BAZ2B: variants seen among roughly 807,000 people sequenced by gnomAD.
BAZ2B encodes bromodomain adjacent to zinc finger domain 2B.
In BAZ2B, 91 loss-of-function variants were observed where a neutral mutation model predicts 246.0. The observed-to-expected ratio is 0.37, with a 90% CI of 0.31 to 0.44. The LOEUF is 0.44. BAZ2B is among the 20% of genes least tolerant of loss of function. The pLI is 1.00. For missense variants in BAZ2B, 2,332 were observed against 2,533.7 expected (o/e 0.92, Z 1.71); for synonymous variants, 855 against 860.0 (o/e 0.99, Z 0.10).
intron 1 of BAZ2B, among the ~76,000 whole-genome samples, chr2:159,594,878 C>T (rs1157413076): frequency 6.6e-6 from 1 of 152,154 alleles, no homozygotes; most frequent in Non-Finnish European, 1.5e-5. Flanking sequence ...AGCTGTTTGC[C>T]TGCCTTAGCC....
intron 6 of BAZ2B, among the ~76,000 whole-genome samples, chr2:159,442,495 A>AT (rs2073598273): frequency 6.6e-6 from 1 of 152,136 alleles, no homozygotes; most frequent in Admixed American, 6.6e-5. Flanking sequence ...CTTCCCCCTC[A>AT]TTTTTTTATT....
At chr2:159,480,506 T>C (rs1260483449) in intron 2 of BAZ2B, among the ~76,000 whole-genome samples, 3 of 152,132 alleles carry the variant, frequency 2.0e-5, no homozygotes, top group African/African-American at 4.8e-5. Flanking sequence ...TACTGCTTAA[T>C]GGATATTACT....
At chr2:159,339,245 A>G (rs1303960268) in intron 31 of BAZ2B, among the ~76,000 whole-genome samples, 6 of 152,128 alleles carry the variant, frequency 3.9e-5, no homozygotes, top group Non-Finnish European at 5.9e-5. Flanking sequence ...GAAAACCCAA[A>G]ATAAATATAC....
the BAZ2B span, among the ~76,000 whole-genome samples, chr2:159,638,741 T>C: frequency 1.8e-4 from 27 of 151,882 alleles, no homozygotes; most frequent in African/African-American, 6.3e-4. Context: ...CAATGAGGCA[T>C]GCCTACAAGA....
rs201182603 is a variant in BAZ2B at position 159,448,394 on chromosome 2, C to T, written c.350G>A (p.Arg117Gln). Reference sequence around the variant, plus strand: ...TGTACGAGTATGAGCATCAGTTGTTCGCCACCATTCTGCACCTCAAAACCA... The same window carrying T: ...TGTACGAGTATGAGCATCAGTTGTTTGCCACCATTCTGCACCTCAAAACCA... ...LASFPGAEWW[R>Q]TTDAHTRTGA... Residue 117 changes from arginine to glutamine, a missense_variant, in exon 5 of 37, where the codon CGA becomes CAA. Arg to Gln is a conservative substitution (Grantham distance 43). Coordinates refer to ENST00000392783, the MANE Select transcript of BAZ2B (RefSeq NM_013450.4). The T allele has an allele frequency of 3.1e-5, 49 of 1,585,958 alleles. No homozygotes were observed. Among genetic ancestry groups the T allele is most frequent in the Middle Eastern group, 1.7e-4 (1 of 6,006 alleles).
At chr2:159,428,086 C>A in intron 12 of BAZ2B, 44 bp from the exon 13 acceptor site, 1 of 1,544,164 alleles carries the variant, frequency 6.5e-7, no homozygotes, top group Non-Finnish European at 8.9e-7. Flanking sequence ...TTAATAATTA[C>A]AACCCAGCTT....
At chr2:159,576,550 A>ACC (rs1685345500) in intron 1 of BAZ2B, among the ~76,000 whole-genome samples, 1 of 150,020 alleles carries the variant, frequency 6.7e-6, no homozygotes, top group Non-Finnish European at 1.5e-5. Flanking sequence ...AAAAAAAAGA[A>ACC]CCCAGAATTG....
intron 2 of BAZ2B, among the ~76,000 whole-genome samples, chr2:159,500,693 C>A (rs369018412): frequency 6.6e-6 from 1 of 152,126 alleles, no homozygotes; most frequent in African/African-American, 2.4e-5. Flanking sequence ...GTGGTTCATG[C>A]CTGTAATCCC....
chr2:159,692,404 C>G, the BAZ2B span, among the ~76,000 whole-genome samples: 1 of 152,136 alleles, frequency 6.6e-6, no homozygotes, highest in Non-Finnish European at 1.5e-5. Context: ...GTGATCTGTC[C>G]ACCTCGGCCT....
At chr2:159,520,816 T>C (rs1294027057) in intron 2 of BAZ2B, among the ~76,000 whole-genome samples, 1 of 152,162 alleles carries the variant, frequency 6.6e-6, no homozygotes, top group Non-Finnish European at 1.5e-5. Context: ...ATCTATTTTG[T>C]AAGCTAGTGT....
the BAZ2B span, among the ~76,000 whole-genome samples, chr2:159,638,161 C>G: frequency 0.066 from 10,096 of 152,322 alleles, 432 homozygotes; most frequent in Middle Eastern, 0.19. Flanking sequence ...AATTCTGGCT[C>G]TTATCCATGA....
In BAZ2B at chr2:159,348,733, T is replaced by C. The variant is rs370708150; in HGVS notation, c.5238A>G (p.Lys1746=). 2.5e-5 allele frequency: 41 copies of C among 1,613,328 alleles called. No homozygotes were observed. Among genetic ancestry groups the C allele is most frequent in the African/African-American group, 5.3e-5 (4 of 74,902 alleles). Residue 1746 remains lysine, a synonymous_variant, in exon 30 of 37, where the codon AAA becomes AAG. Transcript: ENST00000392783. ...TATAATCCAAATGTTTCTGAATTTG[T>C]TTTTGTAATGCCTTTTCTCTTATTC... ...LRGIREKALQ[K]QIQKHLDYIT...
the BAZ2B span, among the ~76,000 whole-genome samples, chr2:159,647,554 C>T: frequency 2.0e-5 from 3 of 152,166 alleles, no homozygotes; most frequent in African/African-American, 7.2e-5. Flanking sequence ...GACCAAATAC[C>T]TGAGCACCCC....
At chr2:159,425,570 TCA>T (rs1183526352) in intron 13 of BAZ2B, among the ~76,000 whole-genome samples, 1 of 152,242 alleles carries the variant, frequency 6.6e-6, no homozygotes, top group Non-Finnish European at 1.5e-5. Flanking sequence ...TCCTTTGTTA[TCA>T]CCATTACATC....
the BAZ2B span, among the ~76,000 whole-genome samples, chr2:159,705,885 C>T: frequency 6.9e-6 from 1 of 143,928 alleles, no homozygotes; most frequent in Non-Finnish European, 1.6e-5. Context: ...GAAAAAAACA[C>T]TGTGAAAGCA....
At chr2:159,372,161 AT>A (rs2060920246) in intron 27 of BAZ2B, among the ~76,000 whole-genome samples, 1 of 152,180 alleles carries the variant, frequency 6.6e-6, no homozygotes, top group Non-Finnish European at 1.5e-5. Context: ...CATGACATGG[AT>A]TCTATTTTAT....
At chr2:159,595,534 A>AAAT (rs1690488318) in intron 1 of BAZ2B, among the ~76,000 whole-genome samples, 1 of 152,234 alleles carries the variant, frequency 6.6e-6, no homozygotes, top group Admixed American at 6.5e-5. Context: ...GAATTCTACT[A>AAAT]GTCTGCTAAA....
intron 8 of BAZ2B, 179 bp downstream of exon 8, chr2:159,438,124 C>CAT: frequency 1.6e-6 from 1 of 611,248 alleles, no homozygotes; most frequent in East Asian, 3.0e-5. Context: ...TAAACAGATA[C>CAT]ATATATGAAT....
chr2:159,322,688 T>C (rs1235869030), intron 36 of BAZ2B, among the ~76,000 whole-genome samples: 1 of 152,222 alleles, frequency 6.6e-6, no homozygotes, highest in Non-Finnish European at 1.5e-5. Context: ...CCTTCCTTTA[T>C]GGGATGGGGC....
Sources: gnomAD v4.1 joint callset for allele counts (sites outside exome capture counted in the v4.1 genomes callset) on GRCh38, gnomAD v4.1.1 for gene constraint, MANE v1.5 for transcripts, NCBI Gene and HGNC (gene_info 2026-07-23, HGNC 2026-07-21) for gene names.